Variants in WIF1 observed in about 807,000 individuals in gnomAD.
WIF1 encodes the protein Wnt inhibitory factor 1.
Under a neutral mutation model 53.5 loss-of-function variants are expected in WIF1, and 35 were observed. The ratio of observed to expected loss-of-function variants is 0.65; its 90% CI spans 0.50 to 0.87. WIF1 has a LOEUF of 0.87. Ranked by LOEUF, WIF1 falls within the 40% of genes least tolerant of loss-of-function variation. WIF1 has a pLI of 0.00. For synonymous variants in WIF1, 171 were observed against 170.4 expected, an observed-to-expected ratio of 1.00 and a Z score of -0.03; for missense variants, 467 against 476.8, an observed-to-expected ratio of 0.98 and a Z score of 0.19.
Position 65,051,371 on chromosome 12 carries a change from G to T in WIF1, c.1118C>A (p.Pro373His), listed in dbSNP as rs1490818181. Residue 373 changes from proline to histidine, a missense_variant, in exon 10 of 10, where the codon CCT becomes CAT. Transcript: ENST00000286574. ...AGTTCACCAGATGTAATTGGATTCAGGTGGATCCCGCCGCTCCTCGGCCTT... is the reference window on the plus strand; with the variant it reads ...AGTTCACCAGATGTAATTGGATTCATGTGGATCCCGCCGCTCCTCGGCCTT... ...LKKAEERRDP[P>H]ESNYIW 2 of 1,613,778 alleles carry T rather than the reference G, an allele frequency of 1.2e-6. No homozygotes were observed. Among genetic ancestry groups the T allele is most frequent in the Non-Finnish European group, 1.7e-6 (2 of 1,179,874 alleles).
chr12:65,112,296 T>A (rs1883442616), intron 2 of WIF1, among the ~76,000 whole-genome samples: 1 of 152,094 alleles, frequency 6.6e-6, no homozygotes, highest in African/African-American at 2.4e-5. Flanking sequence ...TTTCCTTATT[T>A]AAGCTCCCTT....
chr12:65,065,957 G>C (rs1399588025), intron 6 of WIF1, among the ~76,000 whole-genome samples: 1 of 152,142 alleles, frequency 6.6e-6, no homozygotes, highest in African/African-American at 2.4e-5. Flanking sequence ...TGTGATTTGT[G>C]AGCAGAGTAT....
chr12:65,087,422 G>A (rs1163315257), intron 2 of WIF1, among the ~76,000 whole-genome samples: 5 of 152,108 alleles, frequency 3.3e-5, no homozygotes, highest in African/African-American at 4.8e-5. Flanking sequence ...CTCCAGGGTT[G>A]TATATTTACT....
chr12:65,102,206 T>C (rs1404876490), intron 2 of WIF1, among the ~76,000 whole-genome samples: 1 of 152,188 alleles, frequency 6.6e-6, no homozygotes, highest in Non-Finnish European at 1.5e-5. Context: ...GAATACATGG[T>C]ATACTGGTCA....
intron 2 of WIF1, among the ~76,000 whole-genome samples, chr12:65,106,966 AC>A (rs1398109595): frequency 6.6e-6 from 1 of 152,216 alleles, no homozygotes; most frequent in Non-Finnish European, 1.5e-5. Flanking sequence ...ATAAGTTCTA[AC>A]TTTTGAGGAG....
Position 65,051,268 on chromosome 12 carries a change from C to T in WIF1, c.*81G>A, listed in dbSNP as rs770579854. ...GGCCAGTATTCTTAAGTGTAATGAA[C>T]ATTATTTGAACATTCAACACATGAA... On this transcript the variant is annotated 3_prime_UTR_variant, in exon 10 of 10. Transcript: ENST00000286574. 26 of 1,499,606 alleles carry T rather than the reference C, an allele frequency of 1.7e-5. No individual in the cohort carries two copies. The highest frequency in any genetic ancestry group is 1.5e-4 in the Admixed American group (7 of 45,964). The allele number at this position is 1,499,606 out of a possible 1,614,324, so 92.9% of individuals were successfully genotyped here. A position where few individuals can be genotyped will look rare whatever the true frequency, so the allele number is the denominator to read the frequency against.
At position 65,058,955 on chromosome 12, in the gene WIF1, G is replaced by A. The variant is rs187897489; in HGVS notation, c.827-2829C>T. 1.6e-3 allele frequency among the ~76,000 whole-genome samples: 251 copies of A among 152,258 alleles called. 2 individuals carry two copies. The highest frequency in any genetic ancestry group is 5.9e-3 in the African/African-American group (246 of 41,550). On this transcript the variant is annotated intron_variant, in intron 7 of 9. Coordinates refer to ENST00000286574, the MANE Select transcript of WIF1 (RefSeq NM_007191.5). ...TAATCTCAGCTACTTGGGAGGCTGTGGCAGAAGAATCGCTTGAACCTGGAA... is the reference window on the plus strand; with the variant it reads ...TAATCTCAGCTACTTGGGAGGCTGTAGCAGAAGAATCGCTTGAACCTGGAA...
intron 3 of WIF1, among the ~76,000 whole-genome samples, chr12:65,071,698 T>C (rs1003568067): frequency 6.6e-6 from 1 of 152,214 alleles, no homozygotes; most frequent in Non-Finnish European, 1.5e-5. Context: ...AGCCCAGGTA[T>C]ATAAGTTTTA....
intron 2 of WIF1, among the ~76,000 whole-genome samples, chr12:65,112,122 T>G (rs1883440277): frequency 6.6e-6 from 1 of 152,196 alleles, no homozygotes; most frequent in Non-Finnish European, 1.5e-5. Context: ...CAGGCTTATT[T>G]TAAATAAATC....
chr12:65,078,780 G>A (rs1276144996), intron 2 of WIF1, among the ~76,000 whole-genome samples: 1 of 152,118 alleles, frequency 6.6e-6, no homozygotes, highest in East Asian at 1.9e-4. Context: ...AATGATTCCT[G>A]CTACTCAAAT....
intron 2 of WIF1, among the ~76,000 whole-genome samples, chr12:65,110,959 C>T (rs1375412338): frequency 3.3e-5 from 5 of 152,116 alleles, no homozygotes; most frequent in Non-Finnish European, 7.4e-5. Flanking sequence ...GACATTTAAT[C>T]AGAGACATGG....
chr12:65,053,524 C>T (rs1182384253), intron 9 of WIF1, among the ~76,000 whole-genome samples: 3 of 152,204 alleles, frequency 2.0e-5, no homozygotes, highest in Non-Finnish European at 4.4e-5. Context: ...ATTCTCTCTC[C>T]TTCCACCTTA....
At chr12:65,055,676 G>A (rs1163640037) in intron 8 of WIF1, among the ~76,000 whole-genome samples, 7 of 152,232 alleles carry the variant, frequency 4.6e-5, no homozygotes, top group East Asian at 3.9e-4. Context: ...TCGGGAGGCC[G>A]AGGCAGGGGA....
intron 2 of WIF1, among the ~76,000 whole-genome samples, chr12:65,081,161 G>C (rs2136623712): frequency 6.6e-6 from 1 of 151,836 alleles, no homozygotes; most frequent in Non-Finnish European, 1.5e-5. Flanking sequence ...CCTCCTTTCA[G>C]TTCCGTGGCT....
intron 2 of WIF1, among the ~76,000 whole-genome samples, chr12:65,101,908 A>G (rs1883287384): frequency 6.6e-6 from 1 of 152,138 alleles, no homozygotes; most frequent in Non-Finnish European, 1.5e-5. Flanking sequence ...CCAGCTTGGG[A>G]TCAGGAGGAC....
At chr12:65,061,065 G>C (rs1466653451) in intron 7 of WIF1, among the ~76,000 whole-genome samples, 1 of 152,180 alleles carries the variant, frequency 6.6e-6, no homozygotes, top group East Asian at 1.9e-4. Flanking sequence ...AGTAAGTACA[G>C]GGGAAAATTG....
At chr12:65,062,402 C>T (rs1189972648) in intron 7 of WIF1, 79 bp downstream of exon 7, 44 of 1,250,386 alleles carry the variant, frequency 3.5e-5, no homozygotes, top group Non-Finnish European at 4.9e-5. Flanking sequence ...CTTCCGACTC[C>T]TCCTTGATAA....
chr12:65,108,677 G>A (rs941761525), intron 2 of WIF1, among the ~76,000 whole-genome samples: 1 of 152,024 alleles, frequency 6.6e-6, no homozygotes, highest in African/African-American at 2.4e-5. Flanking sequence ...CACCTTTCAT[G>A]GTATCTCATA....
At chr12:65,102,352 G>C (rs1883294602) in intron 2 of WIF1, among the ~76,000 whole-genome samples, 1 of 152,152 alleles carries the variant, frequency 6.6e-6, no homozygotes, top group Admixed American at 6.5e-5. Context: ...AAAGCCCATG[G>C]TGTAGTTCCA....
Sources: allele counts gnomAD v4.1 joint callset (sites outside exome capture counted in the v4.1 genomes callset), GRCh38; gene constraint gnomAD v4.1.1; transcripts MANE v1.5; gene names NCBI Gene and HGNC (gene_info 2026-07-23, HGNC 2026-07-21).